The following PTPDC1 variants were observed in gnomAD, a reference collection of about 807,000 sequenced individuals.
PTPDC1 encodes protein tyrosine phosphatase domain containing 1, also known as protein tyrosine phosphatase domain-containing protein 1.
Under a neutral mutation model 75.3 loss-of-function variants are expected in PTPDC1, and 53 were observed. The observed-to-expected ratio is 0.70, with a 90% CI of 0.56 to 0.88. The LOEUF (loss-of-function observed/expected upper bound fraction) is 0.88, where lower values mean the gene tolerates loss of function less well. Among genes scored for constraint, PTPDC1 ranks in the 40% least tolerant of loss-of-function variants. The pLI is 0.00. For synonymous variants in PTPDC1, 349 were observed against 366.2 expected, an observed-to-expected ratio of 0.95 and a Z score of 0.54; for missense variants, 925 against 998.6, an observed-to-expected ratio of 0.93 and a Z score of 0.99.
intron 1 of PTPDC1, among the ~76,000 whole-genome samples, chr9:94,061,031 C>G (rs578075805): frequency 2.0e-5 from 3 of 152,284 alleles, no homozygotes; most frequent in Admixed American, 2.0e-4. Context: ...TTATCAGAGA[C>G]AAGGCTAGTA....
At chr9:94,042,695 A>G (rs2118412807) in intron 1 of PTPDC1, among the ~76,000 whole-genome samples, 1 of 152,296 alleles carries the variant, frequency 6.6e-6, no homozygotes, top group South Asian at 2.1e-4. Context: ...TTCTTAAAAT[A>G]ACAATGACGT....
chr9:94,107,602 C>A (rs912581799), intron 8 of PTPDC1, among the ~76,000 whole-genome samples: 1 of 152,156 alleles, frequency 6.6e-6, no homozygotes, highest in African/African-American at 2.4e-5. Context: ...GACTAAATAT[C>A]CAGGCACTAG....
At chr9:94,040,625 A>G (rs1825402397) in intron 1 of PTPDC1, among the ~76,000 whole-genome samples, 1 of 152,188 alleles carries the variant, frequency 6.6e-6, no homozygotes, top group South Asian at 2.1e-4. Flanking sequence ...AAAGGAAAAA[A>G]GTCAGCCATA....
chr9:94,080,404 G>A (rs1284289586), upstream of PTPDC1, among the ~76,000 whole-genome samples: 5 of 152,280 alleles, frequency 3.3e-5, no homozygotes, highest in Admixed American at 3.3e-4. Context: ...TTTTCCATAT[G>A]TATATATGCC....
intron 2 of PTPDC1, among the ~76,000 whole-genome samples, chr9:94,079,131 T>C (rs573728159): frequency 6.6e-6 from 1 of 152,344 alleles, no homozygotes; most frequent in South Asian, 2.1e-4. Flanking sequence ...TCCCCGGACT[T>C]GTTTTTGTTG....
chr9:94,083,413 G>C (rs1225743251), upstream of PTPDC1, among the ~76,000 whole-genome samples: 1 of 152,028 alleles, frequency 6.6e-6, no homozygotes, highest in Non-Finnish European at 1.5e-5. Context: ...GGGGAGATGG[G>C]GGCGGCATTT....
intron 1 of PTPDC1, among the ~76,000 whole-genome samples, chr9:94,050,536 T>C (rs1825757012): frequency 6.6e-6 from 1 of 152,216 alleles, no homozygotes; most frequent in Non-Finnish European, 1.5e-5. Flanking sequence ...GCGATATTGC[T>C]GAACAGCAAA....
rs1031200661 is a variant in PTPDC1, at chr9:94,108,082, T to C, written c.*138T>C. ...TGTTGTTAGTTTGTGCTGAGAATGG[T>C]CGTCCGTATTTGAACCAATTATTTA... is the stretch of plus-strand genomic sequence containing the variant. On this transcript the variant is annotated 3_prime_UTR_variant, in exon 9 of 9. Transcript: ENST00000620992. The C allele has an allele frequency of 6.8e-6, 3 of 440,424 alleles. No individual in the cohort carries two copies. Among genetic ancestry groups the C allele is most frequent in the Non-Finnish European group, 1.2e-5 (3 of 246,518 alleles). The allele number at this position is 440,424 out of a possible 1,614,324, so 27.3% of individuals were successfully genotyped here.
intron 1 of PTPDC1, among the ~76,000 whole-genome samples, chr9:94,058,673 T>C (rs1211548187): frequency 1.3e-5 from 2 of 151,884 alleles, no homozygotes; most frequent in Admixed American, 6.6e-5. Context: ...GCCACTGTAC[T>C]CCTGCCTGGG....
intron 7 of PTPDC1, 31 bp from the exon 8 acceptor site, chr9:94,104,238 TGAAAAA>T (rs1167921704): frequency 4.0e-6 from 6 of 1,509,700 alleles, no homozygotes; most frequent in Admixed American, 3.4e-5. Context: ...AGGCATTTTT[TGAAAAA>T]TTTTTTAAAT....
chr9:94,078,932 A>G (rs192670004), intron 2 of PTPDC1, among the ~76,000 whole-genome samples: 1 of 152,310 alleles, frequency 6.6e-6, no homozygotes, highest in African/African-American at 2.4e-5. Context: ...GACTTTGAAT[A>G]TATTTGTAAT....
chr9:94,034,784 A>G (rs1389949238), intron 1 of PTPDC1, among the ~76,000 whole-genome samples: 2 of 152,096 alleles, frequency 1.3e-5, no homozygotes, highest in Admixed American at 6.6e-5. Flanking sequence ...TTGTGCCCCC[A>G]ATAATCTTTC....
In PTPDC1 at chr9:94,057,174, G is replaced by A. The variant is rs576932540; in HGVS notation, c.-6-7560G>A. On this transcript the variant is annotated intron_variant, in intron 1 of 9. Coordinates refer to the PTPDC1 transcript ENST00000375360. ...CGAGGTTGCAGCCTCAACCTCCTAG[G>A]ATCAGGTAATCCTCCCACCTCAGCC... 1.2e-4 allele frequency among the ~76,000 whole-genome samples: 19 copies of A among 152,232 alleles called. No individual in the cohort carries two copies. The South Asian group carries it at 3.7e-3, about 30-fold the overall frequency.
chr9:94,037,869 G>T (rs930442706), intron 1 of PTPDC1, among the ~76,000 whole-genome samples: 1 of 152,182 alleles, frequency 6.6e-6, no homozygotes, highest in Admixed American at 6.5e-5. Flanking sequence ...GAGCTTTTCA[G>T]CTAACTCTTC....
intron 2 of PTPDC1, among the ~76,000 whole-genome samples, chr9:94,068,759 C>G (rs1587866652): frequency 1.3e-5 from 2 of 152,310 alleles, no homozygotes; most frequent in Non-Finnish European, 2.9e-5. Context: ...GCCCAACCCT[C>G]CGATAACTGG....
intron 4 of PTPDC1, among the ~76,000 whole-genome samples, chr9:94,094,510 A>G (rs1211144276): frequency 3.9e-5 from 6 of 152,138 alleles, no homozygotes; most frequent in East Asian, 1.9e-4. Context: ...TAAGTATGCA[A>G]AAGTTACTGC....
chr9:94,100,818 C>T (rs1827809915), intron 6 of PTPDC1: 1 of 152,136 alleles, frequency 6.6e-6, no homozygotes. Flanking sequence ...TAAATCTGAA[C>T]CCTGTCAGAA....
At chr9:94,068,939 A>G (rs1564019284) in intron 2 of PTPDC1, among the ~76,000 whole-genome samples, 1 of 152,182 alleles carries the variant, frequency 6.6e-6, no homozygotes, top group Non-Finnish European at 1.5e-5. Flanking sequence ...GTTTCCCCAT[A>G]TTTGGACAGT....
At chr9:94,084,846 T>TTATAC in intron 1 of PTPDC1, 72 bp downstream of exon 1, 1 of 1,101,382 alleles carries the variant, frequency 9.1e-7, no homozygotes, top group South Asian at 1.6e-5. Flanking sequence ...TGTGTTGTGT[T>TTATAC]TATACCTTTT....
Sources: allele counts gnomAD v4.1 joint callset (sites outside exome capture counted in the v4.1 genomes callset), GRCh38; gene constraint gnomAD v4.1.1; transcripts MANE v1.5; gene names NCBI Gene and HGNC (gene_info 2026-07-23, HGNC 2026-07-21).